The following SHROOM3 variants were observed in gnomAD, a reference collection of about 807,000 sequenced individuals.
SHROOM3 encodes the protein protein Shroom3.
SHROOM3 carries 47 observed loss-of-function variants against 138.6 expected under a neutral mutation model. The ratio of observed to expected loss-of-function variants is 0.34; its 90% CI spans 0.27 to 0.43. The LOEUF is 0.43. Among genes scored for constraint, SHROOM3 ranks in the 20% least tolerant of loss-of-function variants. The pLI is 1.00. For missense variants in SHROOM3, 2,491 were observed against 2,596.5 expected, an observed-to-expected ratio of 0.96 and a Z score of 0.88; for synonymous variants, 1,062 against 1,063.3, an observed-to-expected ratio of 1.00 and a Z score of 0.02.
At chr4:76,766,035 G>A (rs1722143161) in intron 9 of SHROOM3, among the ~76,000 whole-genome samples, 2 of 152,296 alleles carry the variant, frequency 1.3e-5, no homozygotes, top group South Asian at 4.1e-4. Flanking sequence ...TTAATAAAGT[G>A]ATGAAAGTCT....
intron 1 of SHROOM3, among the ~76,000 whole-genome samples, chr4:76,549,400 G>A (rs570715756): frequency 6.6e-5 from 10 of 151,306 alleles, no homozygotes; most frequent in African/African-American, 2.4e-4. Flanking sequence ...ATGGCGTCTC[G>A]CTCTGTTGCC....
intron 2 of SHROOM3, among the ~76,000 whole-genome samples, chr4:76,686,836 C>T (rs969791190): frequency 2.6e-5 from 4 of 152,206 alleles, no homozygotes; most frequent in African/African-American, 9.7e-5. Context: ...CATAAATGCA[C>T]ACAGTGCTGT....
At chr4:76,529,692 G>T (rs964071012) in intron 1 of SHROOM3, among the ~76,000 whole-genome samples, 1 of 151,714 alleles carries the variant, frequency 6.6e-6, no homozygotes, top group Non-Finnish European at 1.5e-5. Flanking sequence ...CCCATCTGAG[G>T]TTTCTATTAC....
rs1721746824 is a variant in SHROOM3, at chr4:76,754,748, T to A, written c.4265T>A (p.Leu1422Gln). 1 of 1,614,202 alleles carries A rather than the reference T, an allele frequency of 6.2e-7. No individual in the cohort carries two copies. Among genetic ancestry groups the A allele is most frequent in the Non-Finnish European group, 8.5e-7 (1 of 1,180,014 alleles). The change falls in exon 7 of 11, where the codon CTG becomes CAG. Residue 1422 changes from leucine (L) to glutamine (Q), a missense_variant. By Grantham distance (113) the Leu-to-Gln change is moderately radical. Transcript: ENST00000296043. ...VEEGTRKRVSLPQWPPPSRAK... is the reference protein window; with the variant it reads ...VEEGTRKRVSQPQWPPPSRAK... ...GAGGGAACGAGGAAGAGGGTCTCGC[T>A]GCCTCAGTGGCCACCTCCTTCTCGA...
At chr4:76,616,232 C>T (rs931835032) in intron 2 of SHROOM3, among the ~76,000 whole-genome samples, 15 of 152,210 alleles carry the variant, frequency 9.9e-5, no homozygotes, top group South Asian at 4.2e-4. Context: ...TTCTGTAATT[C>T]GAATCTGGTT....
intron 2 of SHROOM3, among the ~76,000 whole-genome samples, chr4:76,651,632 T>A (rs910727936): frequency 2.6e-5 from 4 of 151,414 alleles, no homozygotes; most frequent in Admixed American, 2.0e-4. Context: ...GTTGGGAGAG[T>A]GGCTGGCAAG....
intron 1 of SHROOM3, among the ~76,000 whole-genome samples, chr4:76,475,521 A>G (rs1412158242): frequency 6.6e-6 from 1 of 152,242 alleles, no homozygotes; most frequent in Non-Finnish European, 1.5e-5. Context: ...TAGTTAGTGG[A>G]AGAGTTAACT....
intron 2 of SHROOM3, among the ~76,000 whole-genome samples, chr4:76,615,465 C>T (rs1040234221): frequency 1.3e-5 from 2 of 152,174 alleles, no homozygotes; most frequent in South Asian, 4.1e-4. Context: ...AGGAATGCAG[C>T]GTTGTGCCTC....
chr4:76,603,904 G>A (rs956219953), intron 2 of SHROOM3, among the ~76,000 whole-genome samples: 8 of 145,304 alleles, frequency 5.5e-5, no homozygotes, highest in Non-Finnish European at 1.0e-4. Context: ...GTGCAGTGGC[G>A]CGATCTCAGC....
At position 76,710,211 on chromosome 4, in the gene SHROOM3, C is replaced by G; in HGVS notation, c.379C>G (p.Pro127Ala). ...TACTGGTGCCTCTAACTTCGTCAGC[C>G]CAGAACACCTCACCTCTGGCCCCCA... is the stretch of plus-strand genomic sequence containing the variant. ...ADTGASNFVS[P>A]EHLTSGPQHR... Residue 127 changes from proline (P) to alanine (A), a missense_variant, in exon 3 of 11, where the codon CCA becomes GCA. By Grantham distance (27) the Pro-to-Ala change is conservative. Coordinates refer to ENST00000296043, the MANE Select transcript of SHROOM3 (RefSeq NM_020859.4). 7.4e-6 allele frequency: 12 copies of G among 1,614,112 alleles called. No homozygotes were observed. Among genetic ancestry groups the G allele is most frequent in the Non-Finnish European group, 1.0e-5 (12 of 1,180,008 alleles).
intron 2 of SHROOM3, among the ~76,000 whole-genome samples, chr4:76,567,890 G>A (rs913684843): frequency 2.0e-5 from 3 of 151,204 alleles, no homozygotes; most frequent in Non-Finnish European, 2.9e-5. Flanking sequence ...ACATGGTACT[G>A]AACGTTTTTT....
intron 2 of SHROOM3, among the ~76,000 whole-genome samples, chr4:76,558,209 T>C (rs1443279922): frequency 6.6e-6 from 1 of 152,198 alleles, no homozygotes; most frequent in Non-Finnish European, 1.5e-5. Context: ...TGATATAAGA[T>C]TTGAATTACT....
At position 76,577,759 on chromosome 4, in the gene SHROOM3, C is replaced by T. The variant is rs867198960; in HGVS notation, c.323+21996C>T. ...AAGAAATTCTGCAGCCACCACTGTTCTAACTCCATTTCCATGCTGCATACA... is the reference window on the plus strand; with the variant it reads ...AAGAAATTCTGCAGCCACCACTGTTTTAACTCCATTTCCATGCTGCATACA... On this transcript the variant is annotated intron_variant, in intron 2 of 10. Coordinates refer to ENST00000296043, the MANE Select transcript of SHROOM3 (RefSeq NM_020859.4). 5.3e-5 allele frequency among the ~76,000 whole-genome samples: 8 copies of T among 152,320 alleles called. No homozygotes were observed. The Middle Eastern group carries it at 0.01, about 194-fold the overall frequency.
At chr4:76,608,648 T>TTGG (rs1560563289) in intron 2 of SHROOM3, among the ~76,000 whole-genome samples, 2 of 20,040 alleles carry the variant, frequency 1.0e-4, no homozygotes, top group Non-Finnish European at 2.5e-4. Flanking sequence ...TAGCATAGCA[T>TTGG]AGCATAGCAT....
At chr4:76,484,536 A>T (rs1340951858) in intron 1 of SHROOM3, among the ~76,000 whole-genome samples, 1 of 152,066 alleles carries the variant, frequency 6.6e-6, no homozygotes, top group Non-Finnish European at 1.5e-5. Context: ...TCACCACTGC[A>T]CTCTAGCCTG....
intron 2 of SHROOM3, among the ~76,000 whole-genome samples, chr4:76,681,781 T>C (rs1033347052): frequency 2.0e-5 from 3 of 152,078 alleles, no homozygotes; most frequent in African/African-American, 7.2e-5. Flanking sequence ...CCAGAAACAA[T>C]TTGCCTCTCC....
chr4:76,688,961 C>CTTTTTTT (rs71212442), intron 2 of SHROOM3: 1 of 776,720 alleles, frequency 1.3e-6, no homozygotes. Context: ...GTAATGCGAG[C>CTTTTTTT]TTTTTTTTTT....
intron 2 of SHROOM3, among the ~76,000 whole-genome samples, chr4:76,620,414 G>T (rs1258381351): frequency 6.6e-6 from 1 of 152,172 alleles, no homozygotes; most frequent in Non-Finnish European, 1.5e-5. Flanking sequence ...GATCCCCAAG[G>T]GCGAGAGCAG....
chr4:76,709,046 A>G (rs1261133934), intron 2 of SHROOM3, among the ~76,000 whole-genome samples: 2 of 152,250 alleles, frequency 1.3e-5, no homozygotes, highest in Admixed American at 6.5e-5. Context: ...CCTCCTGGCC[A>G]TCTTCCCCAT....
Sources: gnomAD v4.1 joint callset for allele counts (sites outside exome capture counted in the v4.1 genomes callset) on GRCh38, gnomAD v4.1.1 for gene constraint, MANE v1.5 for transcripts, NCBI Gene and HGNC (gene_info 2026-07-23, HGNC 2026-07-21) for gene names.